The following PLEKHA8 variants were observed in gnomAD, a reference collection of about 807,000 sequenced individuals.
The protein encoded by PLEKHA8 is pleckstrin homology domain containing A8, also known as pleckstrin homology domain-containing family A member 8.
In PLEKHA8, 36 loss-of-function variants were observed where a neutral mutation model predicts 68.2. That is an observed-to-expected ratio of 0.53 (90% CI 0.40 to 0.70). PLEKHA8 has a LOEUF of 0.70. Among genes scored for constraint, PLEKHA8 ranks in the 30% least tolerant of loss-of-function variants. PLEKHA8 has a pLI of 0.00. For missense variants in PLEKHA8, 505 were observed against 615.4 expected (o/e 0.82, Z 1.90); for synonymous variants, 211 against 216.1 (o/e 0.98, Z 0.20).
intron 1 of PLEKHA8, among the ~76,000 whole-genome samples, chr7:30,029,763 G>A (rs1790514796): frequency 6.6e-6 from 1 of 152,170 alleles, no homozygotes; most frequent in Non-Finnish European, 1.5e-5. Flanking sequence ...TCTTTTGTGG[G>A]ATAGTTTTTA....
intron 2 of PLEKHA8, 48 bp downstream of exon 2, chr7:30,045,249 C>G: frequency 6.9e-7 from 1 of 1,457,520 alleles, no homozygotes; most frequent in Non-Finnish European, 9.5e-7. Flanking sequence ...TCTGTTTTCC[C>G]TCAAAAACAA....
downstream of PLEKHA8, among the ~76,000 whole-genome samples, chr7:30,085,470 G>A (rs1350008538): frequency 1.3e-5 from 2 of 152,172 alleles, no homozygotes; most frequent in Non-Finnish European, 2.9e-5. Context: ...ATGGCTGTGT[G>A]CTTAATTAGA....
chr7:30,091,196 A>C (rs147985017), downstream of PLEKHA8, among the ~76,000 whole-genome samples: 1,191 of 152,176 alleles, frequency 7.8e-3, 12 homozygotes, highest in Middle Eastern at 0.017. Context: ...AGACAAATCA[A>C]GAATTATATT....
At chr7:30,042,627 A>C (rs568465081) in intron 1 of PLEKHA8, among the ~76,000 whole-genome samples, 4 of 152,282 alleles carry the variant, frequency 2.6e-5, no homozygotes, top group Admixed American at 2.6e-4. Context: ...AGAAAGATAG[A>C]GTTTTCTTCC....
chr7:30,093,233 A>G (rs1249528732), downstream of PLEKHA8, among the ~76,000 whole-genome samples: 1 of 152,188 alleles, frequency 6.6e-6, no homozygotes, highest in Non-Finnish European at 1.5e-5. Flanking sequence ...TTCTTTCCTA[A>G]ATAACAATAA....
chr7:30,124,996 T>A (rs1307881629), intron 13 of PLEKHA8, among the ~76,000 whole-genome samples: 1 of 152,252 alleles, frequency 6.6e-6, no homozygotes, highest in Admixed American at 6.5e-5. Context: ...TTTTTTAACC[T>A]TTTTTATGAT....
chr7:30,115,543 C>T (rs1184582220), intron 13 of PLEKHA8, among the ~76,000 whole-genome samples: 6 of 50,402 alleles, frequency 1.2e-4, no homozygotes, highest in Admixed American at 8.6e-4. Context: ...CATATGTACA[C>T]ATGCACGTAT....
At chr7:30,059,588 TA>T (rs1282776276) in intron 9 of PLEKHA8, among the ~76,000 whole-genome samples, 3 of 150,666 alleles carry the variant, frequency 2.0e-5, no homozygotes, top group Non-Finnish European at 4.4e-5. Flanking sequence ...ATTTTTTTTT[TA>T]GTATTCTGTT....
intron 13 of PLEKHA8, among the ~76,000 whole-genome samples, chr7:30,098,861 C>G (rs1795738724): frequency 6.6e-6 from 1 of 152,214 alleles, no homozygotes; most frequent in Admixed American, 6.5e-5. Context: ...TGAGATAAAC[C>G]CGGTACCTCA....
At chr7:30,084,766 T>C (rs1795107570), downstream of PLEKHA8, 1 of 508,578 alleles carries the variant, frequency 2.0e-6, no homozygotes, top group Non-Finnish European at 2.5e-6. Context: ...TTTACAAATA[T>C]AAGAACATTT....
At chr7:30,102,269 A>T (rs1583470641) in intron 13 of PLEKHA8, among the ~76,000 whole-genome samples, 1 of 152,252 alleles carries the variant, frequency 6.6e-6, no homozygotes, top group South Asian at 2.1e-4. Flanking sequence ...AGTAATTTTT[A>T]AAATGCAGAA....
At chr7:30,031,603 A>T (rs1790671192) in intron 1 of PLEKHA8, among the ~76,000 whole-genome samples, 1 of 152,092 alleles carries the variant, frequency 6.6e-6, no homozygotes, top group Admixed American at 6.5e-5. Context: ...GCTGGTTTAA[A>T]CACTGTGATG....
chr7:30,068,095 C>T (rs1025030366), intron 12 of PLEKHA8, among the ~76,000 whole-genome samples: 3 of 152,188 alleles, frequency 2.0e-5, no homozygotes, highest in Non-Finnish European at 2.9e-5. Context: ...GCTGTGCTGC[C>T]AGAACAGTGG....
At chr7:30,090,140 C>G in intron 12 of PLEKHA8, 1 of 1,549,534 alleles carries the variant, frequency 6.5e-7, no homozygotes, top group Admixed American at 2.0e-5. Flanking sequence ...TAAAAGAGTG[C>G]ACTATGTTGT....
At chr7:30,046,476 A>G in intron 3 of PLEKHA8, 111 bp downstream of exon 3, 7 of 1,211,402 alleles carry the variant, frequency 5.8e-6, no homozygotes, top group South Asian at 4.9e-5. Context: ...TTTTTGTGTC[A>G]TGCAAATGCT....
intron 13 of PLEKHA8, among the ~76,000 whole-genome samples, chr7:30,120,676 C>G (rs950228371): frequency 1.2e-4 from 19 of 152,202 alleles, no homozygotes; most frequent in African/African-American, 4.6e-4. Flanking sequence ...AGTCACCAGT[C>G]AGGTCTAGTT....
At chr7:30,043,040 C>G (rs1455959157) in intron 1 of PLEKHA8, among the ~76,000 whole-genome samples, 1 of 140,360 alleles carries the variant, frequency 7.1e-6, no homozygotes, top group Non-Finnish European at 1.6e-5. Context: ...GTCTCACTCT[C>G]ACTCAGGTTG....
At chr7:30,116,306 A>G (rs755951487) in intron 13 of PLEKHA8, among the ~76,000 whole-genome samples, 2 of 151,712 alleles carry the variant, frequency 1.3e-5, no homozygotes, top group East Asian at 1.9e-4. Context: ...ATACATGTAT[A>G]CATATATACA....
At position 30,081,025 on chromosome 7, in the gene PLEKHA8, A is replaced by G; in HGVS notation, c.*2238A>G. ...CTTGGAGAGGTAGCACTCTGAAAAT[A>G]CCTCAGGTTTGCCACCGCAACTCTG... On this transcript the variant is annotated 3_prime_UTR_variant, in exon 14 of 14. Coordinates refer to ENST00000449726, the MANE Select transcript of PLEKHA8 (RefSeq NM_001197026.2). 1.0e-6 allele frequency: 1 copy of G among 985,326 alleles called. No individual in the cohort carries two copies. The highest frequency in any genetic ancestry group is 1.2e-6 in the Non-Finnish European group (1 of 829,928). The allele number at this position is 985,326 out of a possible 1,614,324, so 61.0% of individuals were successfully genotyped here. A position where few individuals can be genotyped will look rare whatever the true frequency, so the allele number is the denominator to read the frequency against.
Sources: allele counts gnomAD v4.1 joint callset (sites outside exome capture counted in the v4.1 genomes callset), GRCh38; gene constraint gnomAD v4.1.1; transcripts MANE v1.5; gene names NCBI Gene and HGNC (gene_info 2026-07-23, HGNC 2026-07-21).